PCDH15: variants seen among roughly 807,000 people sequenced by gnomAD.
The protein encoded by PCDH15 is protocadherin-15.
PCDH15 carries 129 observed loss-of-function variants against 178.5 expected under a neutral mutation model. That is an observed-to-expected ratio of 0.72 (90% CI 0.63 to 0.84). The LOEUF is 0.84. PCDH15 is among the 40% of genes least tolerant of loss of function. PCDH15 has a pLI of 0.00. For missense variants in PCDH15, 2,230 were observed against 2,099.9 expected, an observed-to-expected ratio of 1.06 and a Z score of -1.21; for synonymous variants, 800 against 732.0, an observed-to-expected ratio of 1.09 and a Z score of -1.50.
At chr10:54,637,125 C>CAAA (rs562355701) in intron 2 of PCDH15, among the ~76,000 whole-genome samples, 1 of 76,822 alleles carries the variant, frequency 1.3e-5, no homozygotes, top group Non-Finnish European at 2.9e-5. Context: ...AATCAATCTT[C>CAAA]AAAAAAAAAA....
chr10:54,803,648 G>C (rs958725894), upstream of PCDH15, among the ~76,000 whole-genome samples: 1 of 152,160 alleles, frequency 6.6e-6, no homozygotes, highest in African/African-American at 2.4e-5. Flanking sequence ...ATACAGAGTG[G>C]TCTGTTACAT....
At chr10:55,016,176 C>G (rs1393663196) in intron 2 of PCDH15, among the ~76,000 whole-genome samples, 1 of 148,806 alleles carries the variant, frequency 6.7e-6, no homozygotes, top group Non-Finnish European at 1.5e-5. Context: ...TATTTTGATA[C>G]AGGCATACAA....
intron 2 of PCDH15, among the ~76,000 whole-genome samples, chr10:55,088,626 A>G (rs1004131422): frequency 7.1e-6 from 1 of 140,332 alleles, no homozygotes; most frequent in Non-Finnish European, 1.5e-5. Context: ...ATACTCATGG[A>G]ACAGATTGCC....
At chr10:55,210,730 G>A (rs1840547861) in intron 1 of PCDH15, among the ~76,000 whole-genome samples, 2 of 134,746 alleles carry the variant, frequency 1.5e-5, no homozygotes. Context: ...CCGTGTTCAA[G>A]TGATTCTCCT....
intron 1 of PCDH15, among the ~76,000 whole-genome samples, chr10:55,207,405 C>A (rs1018812733): frequency 6.6e-6 from 1 of 152,006 alleles, no homozygotes; most frequent in Admixed American, 6.6e-5. Flanking sequence ...AGTTGTCAGG[C>A]CCGAGTAACC....
At chr10:54,386,430 G>A (rs1193522005) in intron 3 of PCDH15, among the ~76,000 whole-genome samples, 1 of 151,910 alleles carries the variant, frequency 6.6e-6, no homozygotes, top group East Asian at 1.9e-4. Context: ...TAAGAAAGAG[G>A]AAGATTGTTT....
chr10:55,445,452 C>T (rs897477114), intron 2 of PCDH15, among the ~76,000 whole-genome samples: 5 of 152,100 alleles, frequency 3.3e-5, no homozygotes, highest in Non-Finnish European at 7.4e-5. Flanking sequence ...GCTACTCAAC[C>T]TTTCTGAGCC....
intron 25 of PCDH15, among the ~76,000 whole-genome samples, chr10:53,912,018 C>A (rs932248851): frequency 6.6e-5 from 10 of 152,170 alleles, no homozygotes; most frequent in Non-Finnish European, 1.2e-4. Context: ...GACCAATATC[C>A]CTGATGAACA....
At chr10:54,823,271 T>C (rs1407381337) in intron 3 of PCDH15, among the ~76,000 whole-genome samples, 1 of 151,914 alleles carries the variant, frequency 6.6e-6, no homozygotes, top group Admixed American at 6.6e-5. Flanking sequence ...TTCACTTTGC[T>C]CAGGCTCCAG....
At chr10:55,401,594 CTGTGTGTGTGTGTG>C (rs3074786) in intron 2 of PCDH15, among the ~76,000 whole-genome samples, 7 of 133,114 alleles carry the variant, frequency 5.3e-5, no homozygotes, top group South Asian at 5.2e-4. Context: ...ATTTGCCTTA[CTGTGTGTGTGTGTG>C]TGTGTGTGTG....
rs185739797 is a variant in PCDH15 at position 54,072,055 on chromosome 10, A to C, written c.2092-5170T>G. Among the ~76,000 whole-genome samples the C allele has an allele frequency of 8.4e-3, 1,284 of 152,168 alleles. 8 individuals are homozygous for C. The highest frequency in any genetic ancestry group is 0.015 in the Non-Finnish European group (1,011 of 67,976). On this transcript the variant is annotated intron_variant, in intron 17 of 37. Transcript: ENST00000644397. ...ACTTATTTTATTTAAATGTCTGAAAAAAGAAGAGCTAGAAAGAATATTGAA... is the reference window on the plus strand; with the variant it reads ...ACTTATTTTATTTAAATGTCTGAAACAAGAAGAGCTAGAAAGAATATTGAA...
At chr10:54,221,878 C>T (rs2052861938) in intron 9 of PCDH15, among the ~76,000 whole-genome samples, 1 of 152,172 alleles carries the variant, frequency 6.6e-6, no homozygotes, top group African/African-American at 2.4e-5. Flanking sequence ...GCTGGGATTA[C>T]AGGCATGAGC....
intron 2 of PCDH15, among the ~76,000 whole-genome samples, chr10:54,576,050 C>T (rs2090443188): frequency 6.6e-6 from 1 of 151,954 alleles, no homozygotes; most frequent in Admixed American, 6.6e-5. Flanking sequence ...ATTAAACAAA[C>T]AAACAAACAA....
intron 24 of PCDH15, among the ~76,000 whole-genome samples, chr10:53,940,296 A>G (rs550491462): frequency 9.5e-4 from 145 of 152,284 alleles, no homozygotes; most frequent in African/African-American, 3.2e-3. Context: ...GCAAATTCCT[A>G]TGATTCTTAA....
chr10:54,541,375 T>C, intron 2 of PCDH15, among the ~76,000 whole-genome samples: 1 of 152,158 alleles, frequency 6.6e-6, no homozygotes, highest in East Asian at 1.9e-4. Flanking sequence ...AATCATGACT[T>C]AATATATTTC....
intron 1 of PCDH15, among the ~76,000 whole-genome samples, chr10:55,182,120 T>C (rs1407823498): frequency 6.6e-6 from 1 of 151,940 alleles, no homozygotes; most frequent in Non-Finnish European, 1.5e-5. Context: ...CTTGGCATTC[T>C]GAGGTTTTCT....
At chr10:54,552,781 A>G (rs1242992487) in intron 2 of PCDH15, among the ~76,000 whole-genome samples, 1 of 152,154 alleles carries the variant, frequency 6.6e-6, no homozygotes, top group Non-Finnish European at 1.5e-5. Flanking sequence ...TTGTGTCAAC[A>G]TTACTCTGGT....
At chr10:54,210,858 A>G (rs1329053453) in intron 10 of PCDH15, among the ~76,000 whole-genome samples, 4 of 151,956 alleles carry the variant, frequency 2.6e-5, no homozygotes, top group Non-Finnish European at 5.9e-5. Flanking sequence ...CAGAGGAAAC[A>G]TGAAACAATT....
At chr10:55,423,538 C>T (rs192081930) in intron 2 of PCDH15, among the ~76,000 whole-genome samples, 145 of 152,058 alleles carry the variant, frequency 9.5e-4, no homozygotes, top group African/African-American at 3.3e-3. Flanking sequence ...ACACTATTTC[C>T]AGAGCTAATT....
Sources: allele counts gnomAD v4.1 joint callset (sites outside exome capture counted in the v4.1 genomes callset), GRCh38; gene constraint gnomAD v4.1.1; transcripts MANE v1.5; gene names NCBI Gene and HGNC (gene_info 2026-07-23, HGNC 2026-07-21).